Variants in WDR62 observed in about 807,000 individuals in gnomAD.
WDR62 encodes WD repeat-containing protein 62.
In WDR62, 112 loss-of-function variants were observed where a neutral mutation model predicts 160.6. The ratio of observed to expected loss-of-function variants is 0.70; its 90% CI spans 0.60 to 0.82. The LOEUF is 0.82. Ranked by LOEUF, WDR62 falls within the 40% of genes least tolerant of loss-of-function variation. The pLI is 0.00. For missense variants in WDR62, 1,819 were observed against 1,983.8 expected (o/e 0.92, Z 1.58); for synonymous variants, 792 against 815.1 (o/e 0.97, Z 0.48).
chr19:36,086,017 C>T (rs113412843), intron 12 of WDR62, among the ~76,000 whole-genome samples: 2 of 152,196 alleles, frequency 1.3e-5, no homozygotes, highest in African/African-American at 4.8e-5. Flanking sequence ...CACGGTGGCT[C>T]ATGCCTGTAA....
At chr19:36,093,902 G>A in intron 19 of WDR62, 129 bp from the exon 20 acceptor site, 1 of 1,133,992 alleles carries the variant, frequency 8.8e-7, no homozygotes, top group Non-Finnish European at 1.3e-6. Flanking sequence ...AGACTTGCCA[G>A]CACCATCTTG....
chr19:36,081,747 C>A, intron 10 of WDR62, 177 bp downstream of exon 10: 2 of 804,908 alleles, frequency 2.5e-6, no homozygotes, highest in Non-Finnish European at 2.1e-6. Context: ...CTTTCTCCTG[C>A]CCCCTCTCTG....
At chr19:36,107,081 T>TA (rs1973730140), downstream of WDR62, among the ~76,000 whole-genome samples, 2 of 152,188 alleles carry the variant, frequency 1.3e-5, no homozygotes, top group South Asian at 4.1e-4. Flanking sequence ...TGTATCATAG[T>TA]AAAGTCTTCT....
At chr19:36,079,339 A>G (rs1330746244) in intron 9 of WDR62, among the ~76,000 whole-genome samples, 3 of 152,264 alleles carry the variant, frequency 2.0e-5, no homozygotes, top group East Asian at 3.9e-4. Context: ...TCAGCCTCCC[A>G]AAGTGCTGGG....
At chr19:36,094,946 G>T (rs76419697) in intron 20 of WDR62, among the ~76,000 whole-genome samples, 1 of 152,046 alleles carries the variant, frequency 6.6e-6, no homozygotes, top group Non-Finnish European at 1.5e-5. Context: ...CAGGAAGATC[G>T]CTTGAGCCCA....
At chr19:36,068,321 T>G (rs1971055071) in intron 7 of WDR62, among the ~76,000 whole-genome samples, 1 of 152,244 alleles carries the variant, frequency 6.6e-6, no homozygotes, top group Admixed American at 6.5e-5. Context: ...CTTTTCTCCT[T>G]TGAGCACTCT....
At chr19:36,067,191 C>T in intron 5 of WDR62, 115 bp from the exon 6 acceptor site, 1 of 1,435,564 alleles carries the variant, frequency 7.0e-7, no homozygotes, top group Non-Finnish European at 9.7e-7. Flanking sequence ...CTGGAGGGTC[C>T]CAGGAAGACA....
At chr19:36,085,682 T>G (rs1022852000) in intron 12 of WDR62, among the ~76,000 whole-genome samples, 6 of 152,004 alleles carry the variant, frequency 3.9e-5, no homozygotes, top group Admixed American at 3.3e-4. Flanking sequence ...TAGTAGGGTC[T>G]CCAGACCTCA....
At chr19:36,109,401 T>TA (rs1458255683), downstream of WDR62, among the ~76,000 whole-genome samples, 1 of 152,186 alleles carries the variant, frequency 6.6e-6, no homozygotes, top group African/African-American at 2.4e-5. Flanking sequence ...TTCATGGACT[T>TA]ACGCGATCAT....
intron 30 of WDR62, 127 bp downstream of exon 30, chr19:36,104,108 T>A: frequency 2.4e-6 from 3 of 1,225,004 alleles, no homozygotes; most frequent in Non-Finnish European, 3.5e-6. Flanking sequence ...TGCATTAACT[T>A]AAATATTTAA....
intron 9 of WDR62, among the ~76,000 whole-genome samples, chr19:36,077,816 A>C (rs1971663827): frequency 6.8e-6 from 1 of 147,896 alleles, no homozygotes; most frequent in Non-Finnish European, 1.5e-5. Flanking sequence ...GGCTGGTTTC[A>C]AACTCCTGAG....
intron 12 of WDR62, among the ~76,000 whole-genome samples, chr19:36,085,413 C>CTTTTTTTTTTTT (rs1568349717): frequency 2.1e-5 from 1 of 47,214 alleles, no homozygotes; most frequent in African/African-American, 6.5e-5. Context: ...CCACACCTGA[C>CTTTTTTTTTTTT]CTTTTTTTTT....
chr19:36,064,339 G>A (rs934433333), intron 3 of WDR62, among the ~76,000 whole-genome samples: 2 of 151,952 alleles, frequency 1.3e-5, no homozygotes, highest in African/African-American at 2.4e-5. Context: ...GCAGTGGCGC[G>A]ATCTTGGCTC....
intron 8 of WDR62, 111 bp from the exon 9 acceptor site, chr19:36,073,231 C>T (rs1971392346): frequency 9.7e-7 from 1 of 1,030,862 alleles, no homozygotes; most frequent in Non-Finnish European, 1.5e-6. Flanking sequence ...TGGATGGCCA[C>T]AAATACCATG....
chr19:36,101,145 C>T lies in WDR62; in HGVS notation c.2868-69C>T, dbSNP rs951835888. On this transcript the variant is annotated intron_variant, in intron 23 of 31. Transcript: ENST00000401500. The stretch of plus-strand genomic sequence containing the variant: ...AGCGGGTACAGGTGCCTAGGGGCTC[C>T]GGGTGGGGCTAGCTGTTGAGTCTCC... The T allele has an allele frequency of 5.2e-5, 75 of 1,450,300 alleles. No individual in the cohort carries two copies. In the Admixed American group the frequency reaches 1.0e-3, roughly 20 times the overall value. 89.8% of individuals were successfully genotyped at this position (1,450,300 alleles called of 1,614,324 possible). A position where few individuals can be genotyped will look rare whatever the true frequency, so the allele number is the denominator to read the frequency against.
chr19:36,070,877 T>A (rs1027059001), intron 7 of WDR62: 4 of 153,376 alleles, frequency 2.6e-5, no homozygotes, highest in Non-Finnish European at 5.8e-5. Context: ...TGGAGTACAG[T>A]CTTTATGAAG....
At chr19:36,101,437 T>C (rs1431633762) in intron 24 of WDR62, 120 bp downstream of exon 24, 2 of 974,922 alleles carry the variant, frequency 2.1e-6, no homozygotes, top group East Asian at 2.6e-5. Context: ...GGAAGACACA[T>C]GTGGTCCCTG....
chr19:36,067,746 CT>C, intron 6 of WDR62, 81 bp from the exon 7 acceptor site: 1 of 1,485,636 alleles, frequency 6.7e-7, no homozygotes, highest in Non-Finnish European at 9.3e-7. Context: ...TAGAGTTCTC[CT>C]GTTTTGTTGT....
chr19:36,073,936 G>T (rs549838003), intron 9 of WDR62: 1 of 357,688 alleles, frequency 2.8e-6, no homozygotes, highest in South Asian at 2.1e-5. Flanking sequence ...GAGGCCCTGC[G>T]GCAGGAACAT....
Sources: allele counts gnomAD v4.1 joint callset (sites outside exome capture counted in the v4.1 genomes callset), GRCh38; gene constraint gnomAD v4.1.1; transcripts MANE v1.5; gene names NCBI Gene and HGNC (gene_info 2026-07-23, HGNC 2026-07-21).